Variants in PKNOX2 observed in about 807,000 individuals in gnomAD.
PKNOX2 encodes PBX/knotted 1 homeobox 2, also known as homeobox protein PKNOX2.
A neutral mutation model predicts 53.1 loss-of-function variants in PKNOX2; 14 were observed. The observed-to-expected ratio is 0.26, with a 90% CI of 0.17 to 0.41. PKNOX2 has a LOEUF of 0.41. Ranked by LOEUF, PKNOX2 falls within the 10% of genes least tolerant of loss-of-function variation. The pLI, the probability that PKNOX2 is intolerant of heterozygous loss-of-function variation, is 1.00. For missense variants in PKNOX2, 496 were observed against 602.8 expected, an observed-to-expected ratio of 0.82 and a Z score of 1.85; for synonymous variants, 257 against 242.8, an observed-to-expected ratio of 1.06 and a Z score of -0.54.
At chr11:125,239,474 A>AG in intron 2 of PKNOX2, 1 of 152,320 alleles carries the variant, frequency 6.6e-6, no homozygotes, top group South Asian at 2.1e-4. Flanking sequence ...AGTTGGCTGG[A>AG]GGGGACTTGC....
At chr11:125,400,622 C>A (rs560123789) in intron 7 of PKNOX2, among the ~76,000 whole-genome samples, 2 of 152,256 alleles carry the variant, frequency 1.3e-5, no homozygotes, top group South Asian at 4.1e-4. Context: ...ACACCTCCCC[C>A]ACAACCCCAT....
intron 7 of PKNOX2, among the ~76,000 whole-genome samples, chr11:125,408,916 C>G (rs558894015): frequency 6.6e-6 from 1 of 152,304 alleles, no homozygotes; most frequent in South Asian, 2.1e-4. Context: ...CTGGGGCCTT[C>G]TTTTTTGCCC....
At chr11:125,255,378 C>T (rs1433066620) in intron 2 of PKNOX2, among the ~76,000 whole-genome samples, 1 of 152,136 alleles carries the variant, frequency 6.6e-6, no homozygotes, top group African/African-American at 2.4e-5. Flanking sequence ...TGAAATGAGC[C>T]CAGCCCACCC....
intron 1 of PKNOX2, among the ~76,000 whole-genome samples, chr11:125,175,796 A>C (rs1955669520): frequency 6.6e-6 from 1 of 152,140 alleles, no homozygotes; most frequent in South Asian, 2.1e-4. Flanking sequence ...AATAACACCT[A>C]CTGTCGGGGC....
chr11:125,322,719 G>A (rs1016955489), intron 2 of PKNOX2, among the ~76,000 whole-genome samples: 1 of 152,176 alleles, frequency 6.6e-6, no homozygotes. Flanking sequence ...GTGTCCCCCA[G>A]ATCCCCCAGA....
At chr11:125,172,543 T>G (rs1484282951) in intron 1 of PKNOX2, among the ~76,000 whole-genome samples, 4 of 152,118 alleles carry the variant, frequency 2.6e-5, no homozygotes, top group Admixed American at 1.3e-4. Context: ...CATGGTGGAT[T>G]CCACTGTGGA....
rs755775915 is a variant in PKNOX2 at position 125,367,942 on chromosome 11, G to A, written c.184G>A (p.Asp62Asn). 14 of 1,613,050 alleles carry A rather than the reference G, an allele frequency of 8.7e-6. No individual in the cohort carries two copies. The highest frequency in any genetic ancestry group is 5.3e-5 in the African/African-American group (4 of 74,836). ...CACACCTGTGCCCAGTGCCCCCATC[G>A]ACCCCCAGGCCCAGCTGGAGGCTGA... ...ASTPVPSAPI[D>N]PQAQLEADKR... Residue 62 changes from aspartate (D) to asparagine (N), a missense_variant, in exon 5 of 13, where the codon GAC becomes AAC. Asp to Asn is a conservative substitution (Grantham distance 23). Coordinates refer to ENST00000298282, the MANE Select transcript of PKNOX2 (RefSeq NM_001382323.2).
At chr11:125,227,202 C>G (rs1320876929) in intron 1 of PKNOX2, among the ~76,000 whole-genome samples, 1 of 152,080 alleles carries the variant, frequency 6.6e-6, no homozygotes, top group African/African-American at 2.4e-5. Context: ...CCTGGAGTCA[C>G]CTGGGGGAGG....
In PKNOX2 at chr11:125,271,134, C is replaced by T. The variant is rs145927574; in HGVS notation, c.-130+36019C>T. Among the ~76,000 whole-genome samples the T allele has an allele frequency of 6.6e-5, 10 of 152,252 alleles. No individual in the cohort carries two copies. The East Asian group carries it at 1.9e-3, about 29-fold the overall frequency. ...AATGATTTCACAGTTCCCTGCCCCA[C>T]CATCCCGTCCTCTCTGCTGGGATAG... is the stretch of plus-strand genomic sequence containing the variant. On this transcript the variant is annotated intron_variant, in intron 2 of 12. Transcript: ENST00000298282.
chr11:125,266,019 A>C (rs1338892945), intron 2 of PKNOX2, among the ~76,000 whole-genome samples: 2 of 152,138 alleles, frequency 1.3e-5, no homozygotes, highest in Admixed American at 6.5e-5. Context: ...CAGCTCCATA[A>C]CTGGCCAGGT....
At chr11:125,267,763 A>ATG (rs150021069) in intron 2 of PKNOX2, among the ~76,000 whole-genome samples, 12 of 151,350 alleles carry the variant, frequency 7.9e-5, no homozygotes, top group Admixed American at 2.0e-4. Context: ...GTGTGTGTGC[A>ATG]TGTGTGTGTG....
intron 2 of PKNOX2, among the ~76,000 whole-genome samples, chr11:125,256,345 T>G: frequency 6.6e-6 from 1 of 152,110 alleles, no homozygotes; most frequent in East Asian, 1.9e-4. Flanking sequence ...TGTATGTGGG[T>G]GCCCACTGAG....
Position 125,388,918 on chromosome 11 carries a change from G to A in PKNOX2, c.399+3196G>A, listed in dbSNP as rs183471069. On this transcript the variant is annotated intron_variant, in intron 6 of 12. Coordinates refer to ENST00000298282, the MANE Select transcript of PKNOX2 (RefSeq NM_001382323.2). ...GAGGTAAAAGCCCTAGGGAGGGCCG[G>A]GAACCGTGGCTCATGCCTGTAATCC... Among the ~76,000 whole-genome samples the A allele has an allele frequency of 3.9e-5, 6 of 152,306 alleles. No homozygotes were observed. The East Asian group carries it at 1.2e-3, about 29-fold the overall frequency.
At chr11:125,216,113 A>C (rs1565471479) in intron 1 of PKNOX2, among the ~76,000 whole-genome samples, 1 of 152,218 alleles carries the variant, frequency 6.6e-6, no homozygotes. Context: ...ATGTTTTTAC[A>C]TTAAACAACG....
chr11:125,242,636 G>C (rs1943249820), intron 2 of PKNOX2, among the ~76,000 whole-genome samples: 1 of 151,466 alleles, frequency 6.6e-6, no homozygotes, highest in South Asian at 2.1e-4. Context: ...AATGGCTCAG[G>C]TCTTCCTGTG....
intron 7 of PKNOX2, among the ~76,000 whole-genome samples, chr11:125,401,346 G>A (rs1201186470): frequency 1.3e-5 from 2 of 152,186 alleles, no homozygotes; most frequent in African/African-American, 4.8e-5. Context: ...AATGCATGTG[G>A]CTCAGTGCGC....
intron 4 of PKNOX2, among the ~76,000 whole-genome samples, chr11:125,361,600 T>C (rs1951930600): frequency 6.6e-6 from 1 of 152,246 alleles, no homozygotes; most frequent in Non-Finnish European, 1.5e-5. Context: ...CTAGGGTACA[T>C]GTGCACAATG....
chr11:125,309,635 G>A (rs760828448), intron 2 of PKNOX2, among the ~76,000 whole-genome samples: 4 of 152,002 alleles, frequency 2.6e-5, no homozygotes, highest in Non-Finnish European at 5.9e-5. Flanking sequence ...TGATCTGCCC[G>A]CCTTGGCCTT....
At chr11:125,176,119 T>C (rs1450839884) in intron 1 of PKNOX2, among the ~76,000 whole-genome samples, 3 of 152,006 alleles carry the variant, frequency 2.0e-5, no homozygotes, top group Non-Finnish European at 2.9e-5. Flanking sequence ...CGCCCGGTGG[T>C]TTTGCCAATT....
Sources: allele counts gnomAD v4.1 joint callset (sites outside exome capture counted in the v4.1 genomes callset), GRCh38; gene constraint gnomAD v4.1.1; transcripts MANE v1.5; gene names NCBI Gene and HGNC (gene_info 2026-07-23, HGNC 2026-07-21).